The following MOB2 variants were observed in gnomAD, a reference collection of about 807,000 sequenced individuals.
MOB2 encodes MOB kinase activator 2.
A neutral mutation model predicts 27.4 loss-of-function variants in MOB2; 14 were observed. That is an observed-to-expected ratio of 0.51 (90% CI 0.34 to 0.80). The LOEUF is 0.80. MOB2 is among the 30% of genes least tolerant of loss of function. The pLI is 0.01. For missense variants in MOB2, 304 were observed against 354.6 expected, an observed-to-expected ratio of 0.86 and a Z score of 1.15; for synonymous variants, 167 against 151.8, an observed-to-expected ratio of 1.10 and a Z score of -0.74.
At chr11:1,478,242 C>T (rs1847873759) in intron 3 of MOB2, among the ~76,000 whole-genome samples, 1 of 152,186 alleles carries the variant, frequency 6.6e-6, no homozygotes, top group South Asian at 2.1e-4. Context: ...GGCCCCACGG[C>T]CGCCCTGGGA....
chr11:1,471,610 T>C (rs532093762), intron 3 of MOB2, 191 bp from the exon 4 acceptor site: 46 of 609,070 alleles, frequency 7.6e-5, no homozygotes, highest in Non-Finnish European at 1.1e-4. Flanking sequence ...CTGCACTCTA[T>C]GGAGGGGTCT....
intron 1 of MOB2, among the ~76,000 whole-genome samples, chr11:1,484,183 T>C (rs764345437): frequency 6.6e-5 from 10 of 152,172 alleles, no homozygotes; most frequent in African/African-American, 9.7e-5. Flanking sequence ...GTCGAGCCTG[T>C]AGACCCTGAG....
At chr11:1,485,107 G>A (rs1216288134) in intron 1 of MOB2, among the ~76,000 whole-genome samples, 2 of 152,164 alleles carry the variant, frequency 1.3e-5, no homozygotes, top group East Asian at 3.9e-4. Context: ...ACTGCGCCTC[G>A]GCCCCTCCAT....
chr11:1,472,590 C>T (rs546179176), intron 3 of MOB2: 15 of 152,558 alleles, frequency 9.8e-5, no homozygotes, highest in South Asian at 2.1e-4. Context: ...CATCCAGTCA[C>T]GGTTCCTCTT....
chr11:1,480,023 A>T (rs1564910576), intron 3 of MOB2, among the ~76,000 whole-genome samples: 2 of 152,266 alleles, frequency 1.3e-5, no homozygotes, highest in African/African-American at 4.8e-5. Context: ...TGGCCGAGCA[A>T]GGACCTGTGG....
rs1811182451 is a variant in MOB2, at chr11:1,480,654, TC to T, written c.271+70del. ...GGCTGCTGAGCACCAGCCGTGGGGG[TC>T]CCCCTTGAGGAGGGGCTTCGAGGAG... On this transcript the variant is annotated intron_variant, in intron 2 of 4. Transcript: ENST00000329957. 8 of 1,560,152 alleles carry T rather than the reference TC, an allele frequency of 5.1e-6. No homozygotes were observed. The Admixed American group carries it at 1.3e-4, about 25-fold the overall frequency.
intron 3 of MOB2, chr11:1,471,728 T>C (rs1847793522): frequency 3.3e-6 from 1 of 300,234 alleles, no homozygotes; most frequent in African/African-American, 2.2e-5. Context: ...TTTCTCCGCT[T>C]CTACATGGCT....
intron 3 of MOB2, among the ~76,000 whole-genome samples, chr11:1,478,594 G>C (rs193150471): frequency 6.6e-6 from 1 of 152,262 alleles, no homozygotes; most frequent in African/African-American, 2.4e-5. Context: ...ACAGAGGATG[G>C]CTGCCAAGGG....
chr11:1,471,293 A>G lies in MOB2; in HGVS notation c.490+2T>C. The G allele has an allele frequency of 6.2e-7, 1 of 1,611,844 alleles. No homozygotes were observed. The highest frequency in any genetic ancestry group is 8.5e-7 in the Non-Finnish European group (1 of 1,179,054). On this transcript the variant is annotated splice_donor_variant, in intron 4 of 4. Transcript: ENST00000329957. LOFTEE classifies it high-confidence loss of function. ...GACCGCCCAGTGCTGGGGGAGACGA[A>G]CCGTATTTTGTGGGGAACACGTCCT...
chr11:1,482,196 G>A (rs561154024), intron 1 of MOB2, among the ~76,000 whole-genome samples: 3 of 152,332 alleles, frequency 2.0e-5, no homozygotes, highest in South Asian at 2.1e-4. Context: ...GCTGCCAAGC[G>A]GGCTACAAGC....
chr11:1,480,991 C>A, intron 1 of MOB2, 106 bp from the exon 2 acceptor site: 3 of 1,376,210 alleles, frequency 2.2e-6, no homozygotes, highest in Non-Finnish European at 2.0e-6. Context: ...GCTGCCCGAG[C>A]CCATCGGGGC....
At position 1,480,844 on chromosome 11, in the gene MOB2, T is replaced by C. The variant is rs772196163; in HGVS notation, c.152A>G (p.Glu51Gly). 2 of 1,570,318 alleles carry C rather than the reference T, an allele frequency of 1.3e-6. No individual in the cohort carries two copies. Among genetic ancestry groups the C allele is most frequent in the Admixed American group, 3.7e-5 (2 of 53,376 alleles). Residue 51 changes from glutamate to glycine, a missense_variant, in exon 2 of 5, where the codon GAG becomes GGG. Physicochemically the swap from Glu to Gly is moderately conservative, Grantham distance 98. Coordinates refer to ENST00000329957, the MANE Select transcript of MOB2 (RefSeq NM_001172223.3). The stretch of plus-strand genomic sequence containing the variant: ...AGGCTCCAGGTAGGCCTTCCTCTCC[T>C]CCGCAGCGGGCTTCTTGCCATTAGG... ...AKPNGKKPAA[E>G]ERKAYLEPEH...
At chr11:1,473,627 C>T (rs1354021861) in intron 3 of MOB2, among the ~76,000 whole-genome samples, 4 of 152,374 alleles carry the variant, frequency 2.6e-5, no homozygotes, top group Middle Eastern at 3.4e-3. Context: ...AACCCTTTTC[C>T]ACAATGCAAA....
Position 1,480,490 on chromosome 11 carries a change from G to C in MOB2, c.272-4C>G. 2 of 1,613,418 alleles carry C rather than the reference G, an allele frequency of 1.2e-6. No homozygotes were observed. Among genetic ancestry groups the C allele is most frequent in the Non-Finnish European group, 8.5e-7 (1 of 1,179,584 alleles). On this transcript the variant is annotated splice_polypyrimidine_tract_variant and splice_region_variant and intron_variant, in intron 2 of 4. Coordinates refer to ENST00000329957, the MANE Select transcript of MOB2 (RefSeq NM_001172223.3). ...ATGTGGTGGAAAAACGTCGTGGCTG[G>C]AAGAGAAGAGAAGGAGCCAGATGTG...
intron 3 of MOB2, among the ~76,000 whole-genome samples, chr11:1,476,655 AT>A (rs1847855272): frequency 6.6e-6 from 1 of 152,174 alleles, no homozygotes; most frequent in South Asian, 2.1e-4. Flanking sequence ...ATTTTGACTT[AT>A]TTTGCTCTTT....
intron 3 of MOB2, among the ~76,000 whole-genome samples, chr11:1,476,587 C>T (rs1368017911): frequency 6.6e-6 from 1 of 152,232 alleles, no homozygotes. Context: ...CTCATTTCCC[C>T]TATTGTTTTA....
chr11:1,475,807 C>G (rs756913348), intron 3 of MOB2, among the ~76,000 whole-genome samples: 2 of 152,150 alleles, frequency 1.3e-5, no homozygotes, highest in Non-Finnish European at 2.9e-5. Context: ...CTTTTTTTCC[C>G]TTTTTCACAA....
At chr11:1,484,160 G>A (rs139038919) in intron 1 of MOB2, among the ~76,000 whole-genome samples, 28 of 152,300 alleles carry the variant, frequency 1.8e-4, no homozygotes, top group African/African-American at 5.8e-4. Flanking sequence ...CCCAGAGCAC[G>A]CTTGCTATGG....
At chr11:1,474,871 GT>G (rs1366684363) in intron 3 of MOB2, among the ~76,000 whole-genome samples, 1 of 152,254 alleles carries the variant, frequency 6.6e-6, no homozygotes, top group Non-Finnish European at 1.5e-5. Context: ...AGTCTCAAAA[GT>G]GTGAGATTCC....
Sources: gnomAD v4.1 joint callset for allele counts (sites outside exome capture counted in the v4.1 genomes callset) on GRCh38, gnomAD v4.1.1 for gene constraint, MANE v1.5 for transcripts, NCBI Gene and HGNC (gene_info 2026-07-23, HGNC 2026-07-21) for gene names.